The following AFG2A variants were observed in gnomAD, a reference collection of about 807,000 sequenced individuals.
AFG2A encodes the protein AAA ATPase AFG2A.
the AFG2A span, among the ~76,000 whole-genome samples, chr4:123,136,397 G>A: frequency 6.6e-6 from 1 of 151,922 alleles, no homozygotes; most frequent in African/African-American, 2.4e-5. Context: ...GGCCAGGTGC[G>A]GTGGCTCACC....
At chr4:123,231,919 T>C in the AFG2A span, among the ~76,000 whole-genome samples, 1 of 151,938 alleles carries the variant, frequency 6.6e-6, no homozygotes, top group East Asian at 1.9e-4. Context: ...TATATGGGCA[T>C]GGTTTGTGGT....
the AFG2A span, among the ~76,000 whole-genome samples, chr4:123,152,276 A>G: frequency 4.6e-5 from 7 of 152,184 alleles, no homozygotes; most frequent in Admixed American, 2.6e-4. Context: ...CATTCTGCAC[A>G]CGTATCCCAG....
chr4:123,282,659 T>C, the AFG2A span, among the ~76,000 whole-genome samples: 1 of 152,146 alleles, frequency 6.6e-6, no homozygotes, highest in Non-Finnish European at 1.5e-5. Flanking sequence ...CAGCCACCGC[T>C]GTGAGACAGG....
the AFG2A span, among the ~76,000 whole-genome samples, chr4:123,003,940 T>C: frequency 6.6e-6 from 1 of 152,166 alleles, no homozygotes. Context: ...GCAGGCCTCC[T>C]TGAGCTGTGG....
At chr4:122,989,215 A>C in the AFG2A span, among the ~76,000 whole-genome samples, 1 of 152,212 alleles carries the variant, frequency 6.6e-6, no homozygotes, top group Non-Finnish European at 1.5e-5. Flanking sequence ...GTGAAAAAGT[A>C]AACAACACTT....
At chr4:123,286,859 TA>T in the AFG2A span, among the ~76,000 whole-genome samples, 2,101 of 144,526 alleles carry the variant, frequency 0.015, 26 homozygotes, top group African/African-American at 0.041. Context: ...GAAAGGCCTT[TA>T]AAAAAAAAAA....
the AFG2A span, among the ~76,000 whole-genome samples, chr4:123,148,191 AT>A: frequency 6.6e-6 from 1 of 152,208 alleles, no homozygotes; most frequent in African/African-American, 2.4e-5. Context: ...CTTTACCACT[AT>A]TTAAACATGG....
At chr4:122,990,052 C>T in the AFG2A span, among the ~76,000 whole-genome samples, 15 of 151,982 alleles carry the variant, frequency 9.9e-5, no homozygotes, top group Admixed American at 3.3e-4. Flanking sequence ...TTTTTGTAGA[C>T]ATGGGTTTTC....
the AFG2A span, among the ~76,000 whole-genome samples, chr4:122,942,793 C>A: frequency 1.3e-5 from 2 of 151,202 alleles, no homozygotes; most frequent in East Asian, 3.9e-4. Context: ...TTTCCCTCTA[C>A]ACACTGCTTT....
the AFG2A span, among the ~76,000 whole-genome samples, chr4:123,255,809 C>T: frequency 1.3e-5 from 2 of 150,888 alleles, no homozygotes; most frequent in Non-Finnish European, 3.0e-5. Context: ...CGTGAGCCAC[C>T]GCGCCCAGCC....
the AFG2A span, chr4:123,318,925 T>C: frequency 1.3e-5 from 2 of 152,226 alleles, no homozygotes; most frequent in Non-Finnish European, 2.9e-5. Context: ...ATCTGTTTGG[T>C]TGAAAGTTTG....
the AFG2A span, among the ~76,000 whole-genome samples, chr4:123,027,344 CTT>C: frequency 6.6e-6 from 1 of 152,024 alleles, no homozygotes; most frequent in Non-Finnish European, 1.5e-5. Flanking sequence ...TATTTTTTCT[CTT>C]TTCCTTTTTA....
At chr4:123,006,304 G>A in the AFG2A span, among the ~76,000 whole-genome samples, 10 of 151,310 alleles carry the variant, frequency 6.6e-5, no homozygotes, top group South Asian at 4.2e-4. Flanking sequence ...CATGTCCCCC[G>A]GCCCCACCTC....
the AFG2A span, among the ~76,000 whole-genome samples, chr4:123,313,113 G>A: frequency 1.3e-5 from 2 of 152,134 alleles, no homozygotes; most frequent in Non-Finnish European, 1.5e-5. Context: ...GCCTGCTTCC[G>A]CTGTCTGAAG....
At chr4:123,132,325 G>A in the AFG2A span, among the ~76,000 whole-genome samples, 1 of 151,982 alleles carries the variant, frequency 6.6e-6, no homozygotes, top group African/African-American at 2.4e-5. Context: ...TCTATTCTCT[G>A]TTAATAGGAG....
the AFG2A span, among the ~76,000 whole-genome samples, chr4:123,137,515 A>G: frequency 5.9e-5 from 9 of 152,180 alleles, no homozygotes; most frequent in African/African-American, 2.2e-4. Context: ...TTTTAACACA[A>G]TCAATCCACT....
At chr4:122,932,300 A>T in the AFG2A span, among the ~76,000 whole-genome samples, 2 of 151,904 alleles carry the variant, frequency 1.3e-5, no homozygotes, top group Non-Finnish European at 2.9e-5. Context: ...TGATTGGAGA[A>T]CAAGGTATTT....
At chr4:123,098,410 A>C in the AFG2A span, among the ~76,000 whole-genome samples, 1 of 151,986 alleles carries the variant, frequency 6.6e-6, no homozygotes, top group East Asian at 1.9e-4. Context: ...AGTAATTTTT[A>C]AGTATACAAT....
chr4:123,311,432 C>G, the AFG2A span, among the ~76,000 whole-genome samples: 1 of 151,924 alleles, frequency 6.6e-6, no homozygotes, highest in Non-Finnish European at 1.5e-5. Flanking sequence ...TCGAGACCAT[C>G]CTGGCTAATA....
Sources: gnomAD v4.1 joint callset for allele counts (sites outside exome capture counted in the v4.1 genomes callset) on GRCh38, gnomAD v4.1.1 for gene constraint, MANE v1.5 for transcripts, NCBI Gene and HGNC (gene_info 2026-07-23, HGNC 2026-07-21) for gene names.